The following PHTF1 variants were observed in gnomAD, a reference collection of about 807,000 sequenced individuals.
The protein encoded by PHTF1 is protein PHTF1.
PHTF1 carries 88 observed loss-of-function variants against 102.4 expected under a neutral mutation model. The ratio of observed to expected loss-of-function variants is 0.86; its 90% CI spans 0.72 to 1.03. The LOEUF (loss-of-function observed/expected upper bound fraction) is 1.03, where lower values mean the gene tolerates loss of function less well. PHTF1 is among the 50% of genes least tolerant of loss of function. PHTF1 has a pLI of 0.00. For synonymous variants in PHTF1, 289 were observed against 305.2 expected (o/e 0.95, Z 0.55); for missense variants, 814 against 909.5 (o/e 0.89, Z 1.35).
intron 8 of PHTF1, among the ~76,000 whole-genome samples, chr1:113,712,936 C>T (rs1184618326): frequency 6.6e-6 from 1 of 152,058 alleles, no homozygotes; most frequent in East Asian, 1.9e-4. Context: ...GGACTACAGG[C>T]GCCCGCCAAC....
chr1:113,708,506 A>T (rs780419147), intron 11 of PHTF1, among the ~76,000 whole-genome samples: 1 of 152,100 alleles, frequency 6.6e-6, no homozygotes, highest in African/African-American at 2.4e-5. Flanking sequence ...GGCGGCAGGC[A>T]CCTGTAATCC....
intron 5 of PHTF1, among the ~76,000 whole-genome samples, chr1:113,734,406 CAGAT>C (rs1174642625): frequency 6.6e-6 from 1 of 152,174 alleles, no homozygotes; most frequent in Non-Finnish European, 1.5e-5. Flanking sequence ...GATGAGGTCT[CAGAT>C]AGAAATGAGA....
intron 3 of PHTF1, among the ~76,000 whole-genome samples, chr1:113,740,900 G>A (rs1014580103): frequency 1.3e-5 from 2 of 151,938 alleles, no homozygotes; most frequent in Non-Finnish European, 2.9e-5. Context: ...GCATGGTGGC[G>A]GGCACCTGTA....
At chr1:113,738,607 T>C in intron 4 of PHTF1, 123 bp downstream of exon 4, 3 of 661,304 alleles carry the variant, frequency 4.5e-6, no homozygotes, top group Non-Finnish European at 7.9e-6. Context: ...AAAGCCTGAA[T>C]GATGAGAGTA....
chr1:113,735,365 C>CAAAAAA lies in PHTF1; in HGVS notation c.331+2739_331+2744dup, dbSNP rs749964684. Among the ~76,000 whole-genome samples the CAAAAAA allele has an allele frequency of 8.4e-4, 24 of 28,446 alleles. 5 individuals are homozygous for CAAAAAA. Among genetic ancestry groups the CAAAAAA allele is most frequent in the South Asian group, 5.7e-3 (2 of 352 alleles). The allele number at this position is 28,446 out of a possible 152,430, so 18.7% of individuals were successfully genotyped here. A position where few individuals can be genotyped will look rare whatever the true frequency, so the allele number is the denominator to read the frequency against. On this transcript the variant is annotated intron_variant, in intron 5 of 18. Coordinates refer to ENST00000369604, the MANE Select transcript of PHTF1 (RefSeq NM_001323043.2). ...TGGACAACAGAATGAGACTCTGTCT[C>CAAAAAA]AAAAAAAAAAAAAAAAAAAAAAAAA...
At chr1:113,754,239 T>C (rs989523573) in intron 3 of PHTF1, among the ~76,000 whole-genome samples, 5 of 152,052 alleles carry the variant, frequency 3.3e-5, no homozygotes, top group African/African-American at 9.7e-5. Context: ...GGCAAGACCT[T>C]GTCTCTACAA....
chr1:113,736,714 C>T (rs1655557718), intron 5 of PHTF1, among the ~76,000 whole-genome samples: 1 of 152,116 alleles, frequency 6.6e-6, no homozygotes, highest in Non-Finnish European at 1.5e-5. Flanking sequence ...CACTGCACTC[C>T]AGCCTGGGAA....
intron 5 of PHTF1, among the ~76,000 whole-genome samples, chr1:113,730,418 G>A (rs1410851633): frequency 6.6e-6 from 1 of 152,116 alleles, no homozygotes; most frequent in Non-Finnish European, 1.5e-5. Flanking sequence ...TCTGAATCAG[G>A]AACAAAACAA....
At chr1:113,733,627 G>A (rs955071359) in intron 5 of PHTF1, among the ~76,000 whole-genome samples, 1 of 152,140 alleles carries the variant, frequency 6.6e-6, no homozygotes. Flanking sequence ...GAGAGCTCCT[G>A]TGGCCCTTCA....
chr1:113,742,312 G>A (rs1192988479), intron 3 of PHTF1, among the ~76,000 whole-genome samples: 2 of 152,030 alleles, frequency 1.3e-5, no homozygotes. Flanking sequence ...ACCTAAAAAA[G>A]GTACAGTAAA....
chr1:113,725,501 G>A (rs963425280), intron 6 of PHTF1: 1 of 152,044 alleles, frequency 6.6e-6, no homozygotes, highest in Admixed American at 6.6e-5. Flanking sequence ...AATTGCTTAC[G>A]CAGGCAAAAA....
chr1:113,715,438 G>T (rs568325687), intron 7 of PHTF1, among the ~76,000 whole-genome samples: 1 of 151,990 alleles, frequency 6.6e-6, no homozygotes, highest in East Asian at 1.9e-4. Context: ...AGGTGGATCA[G>T]TTGAGCTAAG....
At position 113,706,630 on chromosome 1, in the gene PHTF1, C is replaced by G. The variant is rs1198026393; in HGVS notation, c.1362G>C (p.Met454Ile). Residue 454 changes from methionine (M) to isoleucine (I), a missense_variant, in exon 12 of 19, where the codon ATG (methionine) becomes ATC (isoleucine). Physicochemically the swap from Met to Ile is conservative, Grantham distance 10. Transcript: ENST00000369604. ...WEGNECKKMDMSVLEISGIIM... is the reference protein window; with the variant it reads ...WEGNECKKMDISVLEISGIIM... Reference sequence around the variant, plus strand: ...TGATGCCACTTATTTCCAACACAGACATATCCATCTTTTTGCACTCATTCC... The same window carrying G: ...TGATGCCACTTATTTCCAACACAGAGATATCCATCTTTTTGCACTCATTCC... 6.2e-7 allele frequency: 1 copy of G among 1,612,082 alleles called. No homozygotes were observed. The highest frequency in any genetic ancestry group is 8.5e-7 in the Non-Finnish European group (1 of 1,179,324).
intron 3 of PHTF1, among the ~76,000 whole-genome samples, chr1:113,749,946 A>T (rs1657776358): frequency 6.6e-6 from 1 of 151,976 alleles, no homozygotes; most frequent in Non-Finnish European, 1.5e-5. Context: ...AAGAGGTTTC[A>T]GGAGAGATTA....
At chr1:113,757,871 T>A in intron 2 of PHTF1, 116 bp from the exon 3 acceptor site, 1 of 681,098 alleles carries the variant, frequency 1.5e-6, no homozygotes, top group Non-Finnish European at 2.7e-6. Context: ...GTGGAAAATA[T>A]GCTTCTCAAA....
chr1:113,704,657 A>G lies in PHTF1; in HGVS notation c.1803+9T>C. The G allele has an allele frequency of 6.4e-7, 1 of 1,570,946 alleles. No individual in the cohort carries two copies. The highest frequency in any genetic ancestry group is 8.7e-7 in the Non-Finnish European group (1 of 1,155,544). ...GCACATACTCTATTGTTAATCAAAT[A>G]AAACTCACCTTTAGATAGGAACGCA... On this transcript the variant is annotated intron_variant, in intron 14 of 18. Coordinates refer to ENST00000369604, the MANE Select transcript of PHTF1 (RefSeq NM_001323043.2).
intron 7 of PHTF1, among the ~76,000 whole-genome samples, chr1:113,722,944 AAAT>A (rs1334915730): frequency 6.7e-6 from 1 of 148,650 alleles, no homozygotes; most frequent in African/African-American, 2.5e-5. Flanking sequence ...ATAAATAAAT[AAAT>A]AAATAAATAA....
intron 3 of PHTF1, among the ~76,000 whole-genome samples, chr1:113,753,324 AGT>A (rs1323890980): frequency 6.6e-6 from 1 of 152,114 alleles, no homozygotes; most frequent in Non-Finnish European, 1.5e-5. Flanking sequence ...GTGTAGAATT[AGT>A]GTATTTGTTC....
intron 2 of PHTF1, among the ~76,000 whole-genome samples, chr1:113,757,968 CA>C (rs1290095541): frequency 6.6e-6 from 1 of 152,082 alleles, no homozygotes; most frequent in Non-Finnish European, 1.5e-5. Flanking sequence ...AAGCAATGCC[CA>C]AAATATTTCA....
Sources: gnomAD v4.1 joint callset for allele counts (sites outside exome capture counted in the v4.1 genomes callset) on GRCh38, gnomAD v4.1.1 for gene constraint, MANE v1.5 for transcripts, NCBI Gene and HGNC (gene_info 2026-07-23, HGNC 2026-07-21) for gene names.